The following HACE1 variants were observed in gnomAD, a reference collection of about 807,000 sequenced individuals.
HACE1 encodes the protein HECT domain and ankyrin repeat containing E3 ubiquitin protein ligase 1, also known as E3 ubiquitin-protein ligase HACE1.
HACE1 carries 73 observed loss-of-function variants against 118.4 expected under a neutral mutation model. The ratio of observed to expected loss-of-function variants is 0.62; its 90% CI spans 0.51 to 0.75. The LOEUF is 0.75. Among genes scored for constraint, HACE1 ranks in the 30% least tolerant of loss-of-function variants. The pLI is 0.00. For synonymous variants in HACE1, 368 were observed against 374.8 expected, an observed-to-expected ratio of 0.98 and a Z score of 0.21; for missense variants, 749 against 1,102.2, an observed-to-expected ratio of 0.68 and a Z score of 4.54.
At chr6:104,857,676 C>G (rs985378522) in intron 1 of HACE1, among the ~76,000 whole-genome samples, 1 of 151,160 alleles carries the variant, frequency 6.6e-6, no homozygotes. Flanking sequence ...ACATTTGGGG[C>G]GGGGCACGGT....
At chr6:104,772,150 C>G in intron 17 of HACE1, 76 bp from the exon 18 acceptor site, 1 of 803,822 alleles carries the variant, frequency 1.2e-6, no homozygotes, top group Non-Finnish European at 2.1e-6. Flanking sequence ...TGCAGATAAA[C>G]TAATTCACAT....
chr6:104,791,419 G>A (rs1783006563), intron 11 of HACE1, 85 bp downstream of exon 11: 9 of 1,232,218 alleles, frequency 7.3e-6, no homozygotes, highest in Non-Finnish European at 1.1e-5. Flanking sequence ...ACCTGTTCAT[G>A]AGCTTTCTGA....
intron 6 of HACE1, among the ~76,000 whole-genome samples, chr6:104,829,767 C>T (rs2115065082): frequency 6.6e-6 from 1 of 152,278 alleles, no homozygotes. Flanking sequence ...TGCAAAATCT[C>T]ATTCTGTGAA....
At chr6:104,758,809 C>A (rs1170843197) in intron 19 of HACE1, among the ~76,000 whole-genome samples, 1 of 151,400 alleles carries the variant, frequency 6.6e-6, no homozygotes, top group South Asian at 2.1e-4. Flanking sequence ...ACCCATCTCA[C>A]GTGCAAAGAC....
intron 5 of HACE1, among the ~76,000 whole-genome samples, chr6:104,837,086 T>C (rs563828331): frequency 6.6e-6 from 1 of 152,308 alleles, no homozygotes; most frequent in South Asian, 2.1e-4. Context: ...AATTGACCTA[T>C]CAGTTTAAAG....
intron 5 of HACE1, among the ~76,000 whole-genome samples, chr6:104,842,983 A>C (rs1323943198): frequency 6.6e-6 from 1 of 152,182 alleles, no homozygotes; most frequent in East Asian, 1.9e-4. Context: ...ATGGTGGCGC[A>C]TACCTGTAAT....
intron 7 of HACE1, among the ~76,000 whole-genome samples, chr6:104,801,310 AG>A (rs1408325218): frequency 6.6e-6 from 1 of 152,216 alleles, no homozygotes; most frequent in African/African-American, 2.4e-5. Context: ...ATTATCCAGG[AG>A]GACTTCCCCA....
rs540735032 is a variant in HACE1 at position 104,857,437 on chromosome 6, C to T, written c.76+2130G>A. ...ACTCTCGGACTGCTGGTGGAACTTT[C>T]CAAGGAGTAAGTTGAGAAACTGATA... On this transcript the variant is annotated intron_variant, in intron 1 of 23. Coordinates refer to ENST00000262903, the MANE Select transcript of HACE1 (RefSeq NM_020771.4). Among the ~76,000 whole-genome samples, 5 of 151,702 alleles carry T rather than the reference C, an allele frequency of 3.3e-5. No individual in the cohort carries two copies. In the East Asian group the frequency reaches 9.7e-4, roughly 29 times the overall value.
chr6:104,801,627 G>A (rs1057474733), intron 7 of HACE1, among the ~76,000 whole-genome samples: 1 of 152,162 alleles, frequency 6.6e-6, no homozygotes, highest in Non-Finnish European at 1.5e-5. Flanking sequence ...AGCTTCACAA[G>A]TGAAGGAGAA....
At chr6:104,841,924 T>C (rs1775153388) in intron 5 of HACE1, among the ~76,000 whole-genome samples, 1 of 152,206 alleles carries the variant, frequency 6.6e-6, no homozygotes, top group African/African-American at 2.4e-5. Context: ...TTCAGCAATA[T>C]CCCATACCAC....
chr6:104,814,605 C>G (rs1249459279), intron 6 of HACE1, among the ~76,000 whole-genome samples: 1 of 137,482 alleles, frequency 7.3e-6, no homozygotes, highest in Non-Finnish European at 1.6e-5. Context: ...GGAGATCAAA[C>G]ATGGGAGAGA....
At chr6:104,852,768 G>C (rs1020189054) in intron 1 of HACE1, among the ~76,000 whole-genome samples, 1 of 152,022 alleles carries the variant, frequency 6.6e-6, no homozygotes, top group Non-Finnish European at 1.5e-5. Flanking sequence ...GGTATTTATA[G>C]GCATCATGTT....
chr6:104,730,420 A>C lies in HACE1; in HGVS notation c.2514-4T>G. On this transcript the variant is annotated splice_region_variant and splice_polypyrimidine_tract_variant and intron_variant, in intron 22 of 23. Coordinates refer to ENST00000262903, the MANE Select transcript of HACE1 (RefSeq NM_020771.4). Reference sequence around the variant, plus strand: ...CCCACCATGTGGGACCCTGGAACTAAGAGTTTATATCTTAATACATTGTAA... The same window carrying C: ...CCCACCATGTGGGACCCTGGAACTACGAGTTTATATCTTAATACATTGTAA... 7.9e-7 allele frequency: 1 copy of C among 1,269,864 alleles called. No homozygotes were observed. The allele number at this position is 1,269,864 out of a possible 1,614,324, so 78.7% of individuals were successfully genotyped here.
chr6:104,791,467 C>T (rs367876489), intron 11 of HACE1, 37 bp downstream of exon 11: 6 of 1,555,266 alleles, frequency 3.9e-6, no homozygotes, highest in African/African-American at 1.4e-5. Flanking sequence ...ATCTCTTTTA[C>T]GTCTATCTTC....
intron 11 of HACE1, among the ~76,000 whole-genome samples, chr6:104,788,337 T>C (rs1378067128): frequency 6.6e-6 from 1 of 152,158 alleles, no homozygotes; most frequent in Non-Finnish European, 1.5e-5. Context: ...TGAAGAATTA[T>C]ATTCTACATA....
intron 5 of HACE1, among the ~76,000 whole-genome samples, chr6:104,838,569 T>C (rs537547677): frequency 6.6e-5 from 10 of 152,072 alleles, no homozygotes; most frequent in African/African-American, 2.4e-4. Context: ...AAAAATTAAT[T>C]AAAAACTTAA....
At chr6:104,817,810 T>G (rs1479832019) in intron 6 of HACE1, among the ~76,000 whole-genome samples, 1 of 152,208 alleles carries the variant, frequency 6.6e-6, no homozygotes, top group African/African-American at 2.4e-5. Context: ...AAACAATACC[T>G]TCTTAACTAT....
intron 6 of HACE1, among the ~76,000 whole-genome samples, chr6:104,824,388 G>C (rs927242577): frequency 7.2e-5 from 11 of 152,168 alleles, no homozygotes; most frequent in Admixed American, 6.5e-4. Context: ...TTTAACAACG[G>C]AGTTTCAAGA....
intron 7 of HACE1, among the ~76,000 whole-genome samples, chr6:104,800,082 C>T (rs1004073532): frequency 3.9e-5 from 6 of 152,142 alleles, no homozygotes; most frequent in African/African-American, 1.4e-4. Context: ...CAGCGGGTCC[C>T]ATGCCCACAG....
Sources: gnomAD v4.1 joint callset for allele counts (sites outside exome capture counted in the v4.1 genomes callset) on GRCh38, gnomAD v4.1.1 for gene constraint, MANE v1.5 for transcripts, NCBI Gene and HGNC (gene_info 2026-07-23, HGNC 2026-07-21) for gene names.